NOL10: variants seen among roughly 807,000 people sequenced by gnomAD.
NOL10 encodes the protein nucleolar protein 10, also known as H_NH0074G24.1.
A neutral mutation model predicts 103.5 loss-of-function variants in NOL10; 58 were observed. The observed-to-expected ratio is 0.56, with a 90% CI of 0.45 to 0.70. NOL10 has a LOEUF of 0.70. Among genes scored for constraint, NOL10 ranks in the 30% least tolerant of loss-of-function variants. NOL10 has a pLI of 0.00. For missense variants in NOL10, 763 were observed against 807.3 expected, an observed-to-expected ratio of 0.95 and a Z score of 0.67; for synonymous variants, 287 against 282.5, an observed-to-expected ratio of 1.02 and a Z score of -0.16.
At chr2:10,581,628 A>G (rs1465646816) in intron 19 of NOL10, among the ~76,000 whole-genome samples, 3 of 152,282 alleles carry the variant, frequency 2.0e-5, no homozygotes, top group South Asian at 2.1e-4. Flanking sequence ...GAAGTTCAAC[A>G]CCAGTCTGGG....
Position 10,590,214 on chromosome 2 carries a change from C to T in NOL10, c.1423-463G>A, listed in dbSNP as rs570999332. 5.6e-4 allele frequency among the ~76,000 whole-genome samples: 85 copies of T among 152,272 alleles called. 1 individual carries two copies. The South Asian group carries it at 0.017, about 31-fold the overall frequency. ...CCCAACCTCCTGGGCTCAAGTGATCCTCCCACCTCAGTCAGGCTCCCAAGT... is the reference window on the plus strand; with the variant it reads ...CCCAACCTCCTGGGCTCAAGTGATCTTCCCACCTCAGTCAGGCTCCCAAGT... On this transcript the variant is annotated intron_variant, in intron 17 of 20. Transcript: ENST00000381685.
At position 10,678,893 on chromosome 2, in the gene NOL10, A is replaced by T. The variant is rs1018033914; in HGVS notation, c.212-3022T>A. Among the ~76,000 whole-genome samples the T allele has an allele frequency of 2.8e-3, 427 of 152,276 alleles. 2 individuals carry two copies. The highest frequency in any genetic ancestry group is 3.5e-3 in the Non-Finnish European group (240 of 68,022). ...GCTGTCCAATATGGCAGCCACTAGT[A>T]ATGTGAGGCTAAGTTAAAATGAATT... On this transcript the variant is annotated intron_variant, in intron 3 of 20. Transcript: ENST00000381685.
intron 20 of NOL10, among the ~76,000 whole-genome samples, chr2:10,576,678 G>A (rs1418310266): frequency 6.6e-6 from 1 of 152,224 alleles, no homozygotes; most frequent in African/African-American, 2.4e-5. Context: ...TATGGAGACA[G>A]GAAGTAGATT....
intron 12 of NOL10, among the ~76,000 whole-genome samples, chr2:10,654,030 T>C (rs1189351153): frequency 2.6e-5 from 4 of 152,196 alleles, no homozygotes; most frequent in African/African-American, 9.7e-5. Context: ...ACATGTAAAT[T>C]GCTGAATAGC....
intron 13 of NOL10, among the ~76,000 whole-genome samples, chr2:10,638,221 G>C (rs970462935): frequency 1.3e-5 from 2 of 152,018 alleles, no homozygotes; most frequent in Non-Finnish European, 2.9e-5. Context: ...AAAGGATGAA[G>C]CTGCAGTGAG....
intron 7 of NOL10, among the ~76,000 whole-genome samples, chr2:10,668,228 A>G (rs1680677824): frequency 6.6e-6 from 1 of 152,226 alleles, no homozygotes; most frequent in African/African-American, 2.4e-5. Flanking sequence ...TTTTTGCTGC[A>G]TAGTACATAT....
chr2:10,581,834 G>A (rs547229394), intron 19 of NOL10, among the ~76,000 whole-genome samples: 1 of 152,128 alleles, frequency 6.6e-6, no homozygotes, highest in African/African-American at 2.4e-5. Context: ...AATAACATGA[G>A]GAGTATGAAC....
chr2:10,673,453 A>G (rs1478239289), intron 5 of NOL10, 67 bp downstream of exon 5: 1 of 977,826 alleles, frequency 1.0e-6, no homozygotes, highest in African/African-American at 1.7e-5. Context: ...ACTGCTTATC[A>G]TTAAAATAAA....
chr2:10,572,570 C>G (rs1406012173), intron 20 of NOL10, among the ~76,000 whole-genome samples: 2 of 152,188 alleles, frequency 1.3e-5, no homozygotes, highest in African/African-American at 4.8e-5. Context: ...GATGATATCA[C>G]TTAGAGTGTC....
At chr2:10,572,873 C>A (rs1674252689) in intron 20 of NOL10, among the ~76,000 whole-genome samples, 1 of 152,162 alleles carries the variant, frequency 6.6e-6, no homozygotes. Flanking sequence ...CATTTGTCCT[C>A]AATGCTCATT....
chr2:10,597,961 T>C (rs1230213081), intron 17 of NOL10, among the ~76,000 whole-genome samples: 2 of 152,298 alleles, frequency 1.3e-5, no homozygotes, highest in African/African-American at 2.4e-5. Flanking sequence ...AATTAGAGAA[T>C]ATGTAGCAAC....
chr2:10,685,483 C>T (rs1254565804), intron 1 of NOL10, among the ~76,000 whole-genome samples: 1 of 20,682 alleles, frequency 4.8e-5, no homozygotes, highest in African/African-American at 2.3e-4. Flanking sequence ...CTGAGAGAGA[C>T]TCCGTCCCCC....
chr2:10,670,755 A>G (rs1434250566), intron 6 of NOL10, among the ~76,000 whole-genome samples: 1 of 152,074 alleles, frequency 6.6e-6, no homozygotes, highest in Non-Finnish European at 1.5e-5. Context: ...AATGAAACAA[A>G]CAAACAAAAA....
At chr2:10,615,766 G>GA (rs1402037673) in intron 13 of NOL10, among the ~76,000 whole-genome samples, 19 of 152,170 alleles carry the variant, frequency 1.2e-4, no homozygotes, top group Non-Finnish European at 2.6e-4. Context: ...AAGCATGGGG[G>GA]ACGACAGGAT....
chr2:10,661,574 T>C lies in NOL10; in HGVS notation c.677+1385A>G, dbSNP rs574235855. On this transcript the variant is annotated intron_variant, in intron 9 of 20. Transcript: ENST00000381685. ...TTAGTAGAGACAGGGTTTCACCATGTTGGCCAGGCTGGTCTTGAACTCCTA... is the reference window on the plus strand; with the variant it reads ...TTAGTAGAGACAGGGTTTCACCATGCTGGCCAGGCTGGTCTTGAACTCCTA... Among the ~76,000 whole-genome samples the C allele has an allele frequency of 3.9e-5, 6 of 152,290 alleles. No individual in the cohort carries two copies. The East Asian group carries it at 9.7e-4, about 25-fold the overall frequency.
At chr2:10,615,928 G>A (rs976753938) in intron 13 of NOL10, among the ~76,000 whole-genome samples, 2 of 152,142 alleles carry the variant, frequency 1.3e-5, no homozygotes, top group Non-Finnish European at 2.9e-5. Context: ...ACCAGGCACA[G>A]GTGACTTGAG....
rs1378488354 is a variant in NOL10 at position 10,587,244 on chromosome 2, CAT to C, written c.1844+1797_1844+1798del. Among the ~76,000 whole-genome samples the C allele has an allele frequency of 1.9e-4, 5 of 26,240 alleles. No individual in the cohort carries two copies. In the South Asian group the frequency reaches 2.1e-3, roughly 11 times the overall value. The allele number at this position is 26,240 out of a possible 152,430, so 17.2% of individuals were successfully genotyped here. On this transcript the variant is annotated intron_variant, in intron 19 of 20. Coordinates refer to ENST00000381685, the MANE Select transcript of NOL10 (RefSeq NM_024894.4). ...ATATATATACATATATATATACATA[CAT>C]ATATATATATACACATATATATATA...
chr2:10,572,264 G>T, intron 20 of NOL10, 74 bp from the exon 21 acceptor site: 2 of 1,493,808 alleles, frequency 1.3e-6, no homozygotes, highest in Non-Finnish European at 9.3e-7. Context: ...CCGTCAGGCT[G>T]CCAACAGTAC....
rs138486813 is a variant in NOL10, at chr2:10,687,681, G to A, written c.66+2115C>T. The stretch of plus-strand genomic sequence containing the variant: ...CTATTGAAAATAAAAACCTTGGGCC[G>A]GGTGCAGTGGCTCATGCCTGTAATC... On this transcript the variant is annotated intron_variant, in intron 1 of 20. Coordinates refer to ENST00000381685, the MANE Select transcript of NOL10 (RefSeq NM_024894.4). 8.1e-4 allele frequency among the ~76,000 whole-genome samples: 123 copies of A among 152,288 alleles called. No individual in the cohort carries two copies. The East Asian group carries it at 0.02, about 24-fold the overall frequency.
Sources: allele counts gnomAD v4.1 joint callset (sites outside exome capture counted in the v4.1 genomes callset), GRCh38; gene constraint gnomAD v4.1.1; transcripts MANE v1.5; gene names NCBI Gene and HGNC (gene_info 2026-07-23, HGNC 2026-07-21).